Variants in RPS6KA2 observed in about 807,000 individuals in gnomAD.
RPS6KA2 encodes the protein ribosomal protein S6 kinase A2, also known as ribosomal protein S6 kinase alpha-2.
In RPS6KA2, 42 loss-of-function variants were observed where a neutral mutation model predicts 91.8. That is an observed-to-expected ratio of 0.46 (90% CI 0.36 to 0.59). RPS6KA2 has a LOEUF of 0.59. Ranked by LOEUF, RPS6KA2 falls within the 20% of genes least tolerant of loss-of-function variation. RPS6KA2 has a pLI of 0.00. For missense variants in RPS6KA2, 798 were observed against 978.5 expected (o/e 0.82, Z 2.46); for synonymous variants, 414 against 393.6 (o/e 1.05, Z -0.61).
At chr6:166,781,420 C>T (rs561943593) in intron 2 of RPS6KA2, among the ~76,000 whole-genome samples, 1 of 152,184 alleles carries the variant, frequency 6.6e-6, no homozygotes, top group African/African-American at 2.4e-5. Flanking sequence ...GCTGAAGCAA[C>T]ACAATTGGGG....
chr6:166,498,071 T>C (rs897863582), intron 8 of RPS6KA2, among the ~76,000 whole-genome samples: 1 of 143,196 alleles, frequency 7.0e-6, no homozygotes, highest in Non-Finnish European at 1.6e-5. Context: ...TTAAGCACTC[T>C]GCCTGCGAAA....
At chr6:166,661,139 C>T (rs773210883) in intron 2 of RPS6KA2, among the ~76,000 whole-genome samples, 7 of 151,998 alleles carry the variant, frequency 4.6e-5, no homozygotes, top group Non-Finnish European at 8.8e-5. Flanking sequence ...CTCGCTCTGT[C>T]GCCCAGCCTG....
chr6:166,647,795 TACACAC>T (rs543838139), intron 2 of RPS6KA2, among the ~76,000 whole-genome samples: 1 of 130,682 alleles, frequency 7.7e-6, no homozygotes, highest in Non-Finnish European at 1.6e-5. Context: ...TGCACATGCT[TACACAC>T]ATACATACAC....
chr6:166,680,828 A>AC (rs1281104443), intron 2 of RPS6KA2, among the ~76,000 whole-genome samples: 1 of 152,210 alleles, frequency 6.6e-6, no homozygotes, highest in Admixed American at 6.5e-5. Flanking sequence ...GAGACCGAGA[A>AC]CCCACCAATT....
intron 1 of RPS6KA2, among the ~76,000 whole-genome samples, chr6:166,564,376 G>A (rs1784430441): frequency 6.6e-6 from 1 of 152,126 alleles, no homozygotes; most frequent in Non-Finnish European, 1.5e-5. Flanking sequence ...CTCCCCACCA[G>A]TCTCTGGGGC....
intron 2 of RPS6KA2, among the ~76,000 whole-genome samples, chr6:166,683,080 G>A (rs1232269178): frequency 6.6e-6 from 1 of 152,226 alleles, no homozygotes. Flanking sequence ...TGAGACCACA[G>A]CTGGCAGCTG....
At chr6:166,578,467 C>T (rs1388160827) in intron 1 of RPS6KA2, among the ~76,000 whole-genome samples, 5 of 152,232 alleles carry the variant, frequency 3.3e-5, no homozygotes, top group Non-Finnish European at 7.3e-5. Flanking sequence ...CCCTCCGGCA[C>T]TTTGCTGTTC....
chr6:166,699,852 A>AT (rs1450900897), intron 2 of RPS6KA2, among the ~76,000 whole-genome samples: 1 of 152,204 alleles, frequency 6.6e-6, no homozygotes, highest in Non-Finnish European at 1.5e-5. Context: ...GTGGAGTCTA[A>AT]TTTTTTGTTT....
At chr6:166,470,948 C>T (rs934105326) in intron 10 of RPS6KA2, among the ~76,000 whole-genome samples, 5 of 152,190 alleles carry the variant, frequency 3.3e-5, no homozygotes, top group Non-Finnish European at 5.9e-5. Context: ...GTCACGAATC[C>T]GAGAAGAGGC....
chr6:166,474,070 T>C (rs1780871501), intron 10 of RPS6KA2, among the ~76,000 whole-genome samples: 1 of 151,716 alleles, frequency 6.6e-6, no homozygotes, highest in African/African-American at 2.4e-5. Context: ...GGGCTCAGGC[T>C]TGAGCGGTGT....
Position 166,423,500 on chromosome 6 carries a change from T to A in RPS6KA2, c.1582-83A>T. 1.5e-6 allele frequency: 2 copies of A among 1,366,096 alleles called. No homozygotes were observed. The highest frequency in any genetic ancestry group is 1.0e-6 in the Non-Finnish European group (1 of 992,532). 84.6% of individuals were successfully genotyped at this position (1,366,096 alleles called of 1,614,324 possible). ...GGGCAGGTGCATTTGGAGGGGAGGG[T>A]GCATTTGGGAACTGTCTTCCTAGCA... is the stretch of plus-strand genomic sequence containing the variant. On this transcript the variant is annotated intron_variant, in intron 16 of 20. Coordinates refer to ENST00000265678, the MANE Select transcript of RPS6KA2 (RefSeq NM_021135.6). The surrounding 1 kb of genome is among the most constrained non-coding windows in gnomAD (Gnocchi z 4.8).
intron 2 of RPS6KA2, among the ~76,000 whole-genome samples, chr6:166,714,664 C>A (rs993691630): frequency 6.6e-6 from 1 of 152,178 alleles, no homozygotes; most frequent in Non-Finnish European, 1.5e-5. Flanking sequence ...GCACCCGAAC[C>A]GCCTGAAGCA....
At position 166,448,084 on chromosome 6, in the gene RPS6KA2, G is replaced by A. The variant is rs3752926; in HGVS notation, c.1332+640C>T. Among the ~76,000 whole-genome samples, 101,245 of 151,788 alleles carry A rather than the reference G, an allele frequency of 0.67. 34,016 individuals carry two copies. Among genetic ancestry groups the A allele is most frequent in the East Asian group, 0.78 (4,043 of 5,154 alleles). On this transcript the variant is annotated intron_variant, in intron 14 of 20. Transcript: ENST00000265678. The surrounding 1 kb of genome is among the most constrained non-coding windows in gnomAD (Gnocchi z 4.7). ...CAAATATTTAAGCAGCAACAATTAC[G>A]AAAGCTAAAGTTACTATGTAGAGAT...
intron 1 of RPS6KA2, among the ~76,000 whole-genome samples, chr6:166,601,083 G>A (rs899192261): frequency 1.3e-5 from 2 of 152,192 alleles, no homozygotes; most frequent in African/African-American, 2.4e-5. Flanking sequence ...TAACCACGTG[G>A]CCTATCTTAG....
At chr6:166,777,887 T>G (rs2128609291) in intron 2 of RPS6KA2, among the ~76,000 whole-genome samples, 1 of 152,196 alleles carries the variant, frequency 6.6e-6, no homozygotes, top group Middle Eastern at 3.4e-3. Flanking sequence ...AAAAGAGACA[T>G]CTAAAAAAAT....
rs1789558752 is a variant in RPS6KA2, at chr6:166,702,609, C to A, written c.123+155591G>T. 9 of 1,569,976 alleles carry A rather than the reference C, an allele frequency of 5.7e-6. No homozygotes were observed. In the Middle Eastern group the frequency reaches 5.1e-4, roughly 88 times the overall value. ...GTATCTGAAGTTTCCGAATCCTTTG[C>A]CTTTTTGGGACCGAGTGCTCAACTT... is the stretch of plus-strand genomic sequence containing the variant. On this transcript the variant is annotated intron_variant, in intron 2 of 21. Coordinates refer to the RPS6KA2 transcript ENST00000503859.
At chr6:166,716,348 C>T (rs779474842) in intron 2 of RPS6KA2, among the ~76,000 whole-genome samples, 1 of 152,202 alleles carries the variant, frequency 6.6e-6, no homozygotes, top group African/African-American at 2.4e-5. Flanking sequence ...CCACCGACTC[C>T]AGGCCAGGGT....
At chr6:166,475,905 A>G (rs1562520705) in intron 10 of RPS6KA2, 3 of 478,470 alleles carry the variant, frequency 6.3e-6, no homozygotes, top group African/African-American at 4.0e-5. Flanking sequence ...GTATAAACAC[A>G]TTATGCCATC....
chr6:166,450,040 TG>T (rs1779826487), intron 13 of RPS6KA2, among the ~76,000 whole-genome samples: 1 of 140,860 alleles, frequency 7.1e-6, no homozygotes, highest in African/African-American at 2.7e-5. Context: ...GGAGCCACCA[TG>T]GGAACCACCA....
Sources: gnomAD v4.1 joint callset for allele counts (sites outside exome capture counted in the v4.1 genomes callset) on GRCh38, gnomAD v4.1.1 for gene constraint, Gnocchi (gnomAD v3.1) non-coding constraint, MANE v1.5 for transcripts, NCBI Gene and HGNC (gene_info 2026-07-23, HGNC 2026-07-21) for gene names.